Variants in CAP2 observed in about 807,000 individuals in gnomAD.
The protein encoded by CAP2 is cyclase associated actin cytoskeleton regulatory protein 2, also known as adenylyl cyclase-associated protein 2.
Under a neutral mutation model 57.7 loss-of-function variants are expected in CAP2, and 24 were observed. The observed-to-expected ratio is 0.42, with a 90% CI of 0.30 to 0.58. The LOEUF is 0.58. Ranked by LOEUF, CAP2 falls within the 20% of genes least tolerant of loss-of-function variation. The probability of loss-of-function intolerance (pLI) is 0.22; values close to 1 mark genes in which losing one functional copy is unlikely to be tolerated. For missense variants in CAP2, 501 were observed against 590.3 expected (o/e 0.85, Z 1.57); for synonymous variants, 194 against 207.2 (o/e 0.94, Z 0.55).
At chr6:17,493,980 AC>A (rs1761605485) in intron 4 of CAP2, among the ~76,000 whole-genome samples, 1 of 152,064 alleles carries the variant, frequency 6.6e-6, no homozygotes, top group Non-Finnish European at 1.5e-5. Flanking sequence ...CAGGTCAGAG[AC>A]CAAGGAGTCA....
At chr6:17,500,384 T>TATATATATATATATATATATA (rs869066480) in intron 4 of CAP2, among the ~76,000 whole-genome samples, 92 of 124,828 alleles carry the variant, frequency 7.4e-4, no homozygotes, top group East Asian at 1.2e-3. Flanking sequence ...TATATATATA[T>TATATATATATATATATATATA]TTGGAGACGG....
chr6:17,472,106 G>A (rs1441754569), intron 4 of CAP2, among the ~76,000 whole-genome samples: 1 of 24,632 alleles, frequency 4.1e-5, no homozygotes, highest in Non-Finnish European at 6.9e-5. Flanking sequence ...AGGCCGAGGC[G>A]GGCGGATCAC....
chr6:17,495,091 C>T (rs558734630), intron 4 of CAP2, among the ~76,000 whole-genome samples: 71 of 152,144 alleles, frequency 4.7e-4, no homozygotes, highest in Non-Finnish European at 7.4e-4. Flanking sequence ...ACTTGTCAGC[C>T]TCCATAATCA....
chr6:17,512,531 G>A (rs1440682668), intron 6 of CAP2, among the ~76,000 whole-genome samples: 2 of 152,104 alleles, frequency 1.3e-5, no homozygotes, highest in East Asian at 1.9e-4. Context: ...TTGAAGTAAT[G>A]TTCATGCTCT....
At chr6:17,439,331 ATGC>A (rs1760002508) in intron 3 of CAP2, among the ~76,000 whole-genome samples, 1 of 150,838 alleles carries the variant, frequency 6.6e-6, no homozygotes, top group South Asian at 2.1e-4. Flanking sequence ...ATGGATCGAA[ATGC>A]TGCCTTTATC....
At chr6:17,401,597 A>G (rs891447389) in intron 1 of CAP2, among the ~76,000 whole-genome samples, 4 of 152,216 alleles carry the variant, frequency 2.6e-5, no homozygotes, top group African/African-American at 7.2e-5. Flanking sequence ...GACAGTTTCA[A>G]CTGATTGGTT....
At chr6:17,411,776 G>A (rs1332806813) in intron 1 of CAP2, among the ~76,000 whole-genome samples, 1 of 152,046 alleles carries the variant, frequency 6.6e-6, no homozygotes, top group African/African-American at 2.4e-5. Flanking sequence ...GTTCTCCATG[G>A]CTCTTCTTTT....
Position 17,476,398 on chromosome 6 carries a change from G to A in CAP2, c.300+13325G>A, listed in dbSNP as rs73721588. ...ATTTGAAATGTCTTTTCATAGAAAA[G>A]CACTGGACCACCCATATTTTTAAAA... On this transcript the variant is annotated intron_variant, in intron 4 of 12. Coordinates refer to ENST00000229922, the MANE Select transcript of CAP2 (RefSeq NM_006366.3). Among the ~76,000 whole-genome samples the A allele has an allele frequency of 2.5e-3, 382 of 152,268 alleles. 2 individuals are homozygous for A. The highest frequency in any genetic ancestry group is 8.8e-3 in the African/African-American group (366 of 41,556).
In CAP2 at chr6:17,556,553, T is replaced by TC; in HGVS notation, c.*113dup. The TC allele has an allele frequency of 1.3e-6, 1 of 766,244 alleles. No homozygotes were observed. Among genetic ancestry groups the TC allele is most frequent in the Non-Finnish European group, 2.3e-6 (1 of 425,944 alleles). The allele number at this position is 766,244 out of a possible 1,614,324, so 47.5% of individuals were successfully genotyped here. ...AGCCCCTACTGCTTTAGCTTTGGCC[T>TC]CCAACGATTCTGTGCTATAGATACA... On this transcript the variant is annotated 3_prime_UTR_variant, in exon 13 of 13. Coordinates refer to ENST00000229922, the MANE Select transcript of CAP2 (RefSeq NM_006366.3).
At chr6:17,429,278 C>A (rs1206768149) in intron 3 of CAP2, among the ~76,000 whole-genome samples, 1 of 152,144 alleles carries the variant, frequency 6.6e-6, no homozygotes, top group African/African-American at 2.4e-5. Flanking sequence ...TGAACATTTT[C>A]TGTCTTGAAC....
chr6:17,535,224 G>A (rs981829847), intron 7 of CAP2, among the ~76,000 whole-genome samples: 2 of 151,650 alleles, frequency 1.3e-5, no homozygotes, highest in Admixed American at 6.6e-5. Flanking sequence ...CACAGGCTGC[G>A]CTACATATGA....
chr6:17,518,801 C>T lies in CAP2; in HGVS notation c.636+4847C>T, dbSNP rs971725924. Among the ~76,000 whole-genome samples the T allele has an allele frequency of 8.5e-5, 13 of 152,094 alleles. No homozygotes were observed. In the South Asian group the frequency reaches 2.5e-3, roughly 29 times the overall value. ...TACAGGCCTGCACCACCACACCTGG[C>T]TAATTTTTTTATTTTTTGTAGAGAC... On this transcript the variant is annotated intron_variant, in intron 7 of 12. Coordinates refer to ENST00000229922, the MANE Select transcript of CAP2 (RefSeq NM_006366.3).
At chr6:17,417,144 A>G (rs1280862446) in intron 1 of CAP2, among the ~76,000 whole-genome samples, 3 of 136,052 alleles carry the variant, frequency 2.2e-5, no homozygotes, top group African/African-American at 7.7e-5. Context: ...AATTCAGATA[A>G]GAAAAAAAAA....
intron 4 of CAP2, among the ~76,000 whole-genome samples, chr6:17,504,627 T>C (rs1423314049): frequency 1.3e-5 from 2 of 152,150 alleles, no homozygotes; most frequent in African/African-American, 4.8e-5. Flanking sequence ...ATTCCATATG[T>C]AAAATAGGAG....
At chr6:17,404,614 A>G (rs1457390446) in intron 1 of CAP2, among the ~76,000 whole-genome samples, 1 of 151,362 alleles carries the variant, frequency 6.6e-6, no homozygotes, top group African/African-American at 2.4e-5. Context: ...CAAAAAAAAA[A>G]AAAAAATTTA....
At chr6:17,432,835 T>G (rs1224158150) in intron 3 of CAP2, among the ~76,000 whole-genome samples, 1 of 151,818 alleles carries the variant, frequency 6.6e-6, no homozygotes, top group Non-Finnish European at 1.5e-5. Context: ...CTTCCCTACT[T>G]CCTTCTCTCC....
chr6:17,517,018 G>A (rs1003743820), intron 7 of CAP2, among the ~76,000 whole-genome samples: 1 of 152,156 alleles, frequency 6.6e-6, no homozygotes, highest in African/African-American at 2.4e-5. Context: ...ATAAGTAAGG[G>A]TATGTGTGGA....
At chr6:17,487,178 C>T (rs1466557968) in intron 4 of CAP2, among the ~76,000 whole-genome samples, 1 of 152,158 alleles carries the variant, frequency 6.6e-6, no homozygotes, top group Non-Finnish European at 1.5e-5. Flanking sequence ...AAGCCCTGTC[C>T]CTTACCTGCC....
intron 2 of CAP2, among the ~76,000 whole-genome samples, chr6:17,425,846 G>A (rs757242655): frequency 5.3e-5 from 8 of 152,204 alleles, no homozygotes; most frequent in Non-Finnish European, 1.2e-4. Flanking sequence ...TGTAATCCCA[G>A]TACCTTGGGA....
Sources: gnomAD v4.1 joint callset for allele counts (sites outside exome capture counted in the v4.1 genomes callset) on GRCh38, gnomAD v4.1.1 for gene constraint, MANE v1.5 for transcripts, NCBI Gene and HGNC (gene_info 2026-07-23, HGNC 2026-07-21) for gene names.